Variants in IQSEC1 observed in about 807,000 individuals in gnomAD.
The protein encoded by IQSEC1 is IQ motif and SEC7 domain-containing protein 1.
IQSEC1 carries 31 observed loss-of-function variants against 91.0 expected under a neutral mutation model. The ratio of observed to expected loss-of-function variants is 0.34; its 90% CI spans 0.26 to 0.46. The LOEUF (loss-of-function observed/expected upper bound fraction) is 0.46. IQSEC1 is among the 20% of genes least tolerant of loss of function. IQSEC1 has a pLI of 1.00. For missense variants in IQSEC1, 1,388 were observed against 1,575.6 expected (o/e 0.88, Z 2.02); for synonymous variants, 699 against 662.6 (o/e 1.05, Z -0.84).
intron 1 of IQSEC1, among the ~76,000 whole-genome samples, chr3:13,269,303 G>A (rs921161006): frequency 1.1e-4 from 16 of 152,334 alleles, no homozygotes; most frequent in Non-Finnish European, 1.8e-4. Context: ...AGAAGGCAGC[G>A]CTCTCAGTGA....
intron 1 of IQSEC1, among the ~76,000 whole-genome samples, chr3:12,991,157 C>T (rs979010573): frequency 2.0e-5 from 3 of 152,166 alleles, no homozygotes; most frequent in Non-Finnish European, 4.4e-5. Flanking sequence ...TGCTTTGCAT[C>T]GCCCTTCTGT....
intron 1 of IQSEC1, among the ~76,000 whole-genome samples, chr3:13,278,265 G>C (rs960354219): frequency 1.1e-4 from 16 of 151,242 alleles, no homozygotes. Flanking sequence ...CCCACCCCCA[G>C]CCTCCTTAGG....
chr3:13,037,326 G>C (rs1704072997), intron 1 of IQSEC1, among the ~76,000 whole-genome samples: 1 of 152,156 alleles, frequency 6.6e-6, no homozygotes, highest in African/African-American at 2.4e-5. Context: ...CAAGCACAAG[G>C]AGGCAGGGGC....
Position 12,901,106 on chromosome 3 carries a change from G to C in IQSEC1, c.3222C>G (p.His1074Gln). Residue 1074 changes from histidine to glutamine, a missense_variant, in exon 14 of 14, where the codon CAC (histidine) becomes CAG (glutamine). Transcript: ENST00000613206. ...GGGCCGAGGGCAGCGGCGGGTGGCC[G>C]TGGGCATGGGCCCCGTAGGCTGGGT... is the stretch of plus-strand genomic sequence containing the variant. ...GGHPAYGAHA[H>Q]GHPPLPSAHV... is the part of the protein sequence containing the mutation. 1 of 1,539,156 alleles carries C rather than the reference G, an allele frequency of 6.5e-7. No homozygotes were observed. The highest frequency in any genetic ancestry group is 2.4e-5 in the East Asian group (1 of 40,836).
chr3:13,223,656 T>C (rs1424600599), intron 1 of IQSEC1, among the ~76,000 whole-genome samples: 1 of 152,118 alleles, frequency 6.6e-6, no homozygotes, highest in Non-Finnish European at 1.5e-5. Context: ...GAACGCAAGT[T>C]CCTGCCCACA....
At chr3:13,006,934 A>C (rs1467138049) in intron 1 of IQSEC1, among the ~76,000 whole-genome samples, 1 of 152,174 alleles carries the variant, frequency 6.6e-6, no homozygotes. Context: ...GCCTCTCCTG[A>C]CATGTTTGCA....
At chr3:13,210,427 C>T (rs374863106) in intron 1 of IQSEC1, among the ~76,000 whole-genome samples, 2 of 152,244 alleles carry the variant, frequency 1.3e-5, no homozygotes, top group South Asian at 2.1e-4. Flanking sequence ...GGGAAGGGAA[C>T]CGCAATCTCC....
At chr3:13,104,507 C>T (rs1197702426) in intron 2 of IQSEC1, among the ~76,000 whole-genome samples, 1 of 152,206 alleles carries the variant, frequency 6.6e-6, no homozygotes, top group African/African-American at 2.4e-5. Context: ...TGCAGCTTTC[C>T]AGCCAGGCAA....
At chr3:13,196,289 A>T (rs1393441118) in intron 1 of IQSEC1, among the ~76,000 whole-genome samples, 1 of 152,174 alleles carries the variant, frequency 6.6e-6, no homozygotes, top group Non-Finnish European at 1.5e-5. Context: ...CCAGCCATCC[A>T]GGCACCTGAA....
chr3:13,276,125 G>A (rs1442970141), intron 1 of IQSEC1, among the ~76,000 whole-genome samples: 1 of 110,746 alleles, frequency 9.0e-6, no homozygotes, highest in Admixed American at 1.4e-4. Flanking sequence ...GTCTTGCTCT[G>A]TCACTCAGGC....
At position 12,967,268 on chromosome 3, in the gene IQSEC1, C is replaced by T; in HGVS notation, c.24-25403G>A. ...CCCCGCCCCGCAGGCAGCTTTCTCTCGCACGCCGGGCGCCCGGTCCCGACG... is the reference window on the plus strand; with the variant it reads ...CCCCGCCCCGCAGGCAGCTTTCTCTTGCACGCCGGGCGCCCGGTCCCGACG... On this transcript the variant is annotated intron_variant, in intron 1 of 13. Coordinates refer to ENST00000613206, the MANE Select transcript of IQSEC1 (RefSeq NM_001134382.3). The surrounding 1 kb of genome is among the most constrained non-coding windows in gnomAD (Gnocchi z 5.9). 1.2e-6 allele frequency: 1 copy of T among 846,960 alleles called. No homozygotes were observed. Among genetic ancestry groups the T allele is most frequent in the Non-Finnish European group, 1.7e-6 (1 of 578,706 alleles). 52.5% of individuals were successfully genotyped at this position (846,960 alleles called of 1,614,324 possible). A position where few individuals can be genotyped will look rare whatever the true frequency, so the allele number is the denominator to read the frequency against.
At chr3:13,108,913 G>A (rs1212049628) in intron 2 of IQSEC1, among the ~76,000 whole-genome samples, 4 of 152,208 alleles carry the variant, frequency 2.6e-5, no homozygotes, top group Admixed American at 1.3e-4. Context: ...CGAGTGAAAC[G>A]TCTTGAAGGC....
At chr3:13,181,796 G>C (rs1171142172) in intron 1 of IQSEC1, among the ~76,000 whole-genome samples, 1 of 152,200 alleles carries the variant, frequency 6.6e-6, no homozygotes, top group African/African-American at 2.4e-5. Context: ...GATATGTTTT[G>C]AGTGACTTTA....
intron 1 of IQSEC1, among the ~76,000 whole-genome samples, chr3:13,269,752 G>T (rs537783557): frequency 2.0e-5 from 3 of 152,372 alleles, no homozygotes; most frequent in Non-Finnish European, 2.9e-5. Context: ...CCGCAGCCTT[G>T]ACAGGGAGAA....
chr3:13,081,419 C>G (rs1409933973), intron 2 of IQSEC1, among the ~76,000 whole-genome samples: 1 of 152,138 alleles, frequency 6.6e-6, no homozygotes, highest in African/African-American at 2.4e-5. Flanking sequence ...CAGGAACATG[C>G]CACTACATCT....
intron 1 of IQSEC1, among the ~76,000 whole-genome samples, chr3:13,210,877 T>A (rs1217147662): frequency 1.3e-5 from 2 of 152,218 alleles, no homozygotes; most frequent in Non-Finnish European, 2.9e-5. Flanking sequence ...CGGCCCACTG[T>A]GGACTGAAAG....
At chr3:13,279,045 G>A (rs1300604462) in intron 1 of IQSEC1, among the ~76,000 whole-genome samples, 1 of 152,166 alleles carries the variant, frequency 6.6e-6, no homozygotes, top group Non-Finnish European at 1.5e-5. Flanking sequence ...CCGTAAGCAG[G>A]GCAGGCACAC....
In IQSEC1 at chr3:13,142,453, T is replaced by C. The variant is rs540468159; in HGVS notation, c.302+21651A>G. On this transcript the variant is annotated intron_variant, in intron 2 of 15. Coordinates refer to the IQSEC1 transcript ENST00000648114. ...CAGACAGGTGATTTCCCCAAGGATG[T>C]TGGATCCCGCACAGGTGGAGATGGC... Among the ~76,000 whole-genome samples, 9 of 152,328 alleles carry C rather than the reference T, an allele frequency of 5.9e-5. No individual in the cohort carries two copies. In the South Asian group the frequency reaches 8.3e-4, roughly 14 times the overall value.
chr3:13,123,599 G>C (rs1706459864), intron 2 of IQSEC1, among the ~76,000 whole-genome samples: 1 of 152,228 alleles, frequency 6.6e-6, no homozygotes, highest in Admixed American at 6.5e-5. Context: ...AGGTACCCAA[G>C]TGCCACCAGC....
Sources: allele counts gnomAD v4.1 joint callset (sites outside exome capture counted in the v4.1 genomes callset), GRCh38; gene constraint gnomAD v4.1.1; non-coding constraint Gnocchi (gnomAD v3.1); transcripts MANE v1.5; gene names NCBI Gene and HGNC (gene_info 2026-07-23, HGNC 2026-07-21).